Variants in KCNH8 observed in about 807,000 individuals in gnomAD.
KCNH8 encodes the protein voltage-gated delayed rectifier potassium channel KCNH8.
Under a neutral mutation model 103.6 loss-of-function variants are expected in KCNH8, and 70 were observed. The ratio of observed to expected loss-of-function variants is 0.68; its 90% CI spans 0.56 to 0.82. KCNH8 has a LOEUF of 0.82. KCNH8 is among the 40% of genes least tolerant of loss of function. KCNH8 has a pLI of 0.00. For synonymous variants in KCNH8, 498 were observed against 489.4 expected (o/e 1.02, Z -0.23); for missense variants, 1,217 against 1,329.9 (o/e 0.92, Z 1.32).
intron 13 of KCNH8, among the ~76,000 whole-genome samples, chr3:19,514,497 G>GTTCT (rs897150475): frequency 2.4e-4 from 37 of 151,890 alleles, no homozygotes; most frequent in African/African-American, 8.7e-4. Flanking sequence ...AAGAATATAT[G>GTTCT]TTCTTTATAG....
intron 3 of KCNH8, among the ~76,000 whole-genome samples, chr3:19,328,095 T>C (rs1287091401): frequency 2.0e-5 from 3 of 152,152 alleles, no homozygotes; most frequent in African/African-American, 7.2e-5. Flanking sequence ...TTCTAACCAC[T>C]GTTTATAACA....
intron 15 of KCNH8, among the ~76,000 whole-genome samples, chr3:19,530,381 G>A (rs1575179691): frequency 6.6e-6 from 1 of 151,954 alleles, no homozygotes; most frequent in South Asian, 2.1e-4. Context: ...ATTATACACT[G>A]TATTCATATA....
chr3:19,526,940 G>A (rs1346258824), intron 15 of KCNH8, among the ~76,000 whole-genome samples: 1 of 151,932 alleles, frequency 6.6e-6, no homozygotes, highest in Non-Finnish European at 1.5e-5. Flanking sequence ...ACAGGAGCTT[G>A]ACTACTGTAA....
chr3:19,527,466 A>G (rs1273318245), intron 15 of KCNH8, among the ~76,000 whole-genome samples: 1 of 152,044 alleles, frequency 6.6e-6, no homozygotes, highest in Non-Finnish European at 1.5e-5. Context: ...CTAAAGTTTT[A>G]TATCTGTTAT....
At chr3:19,178,356 G>T (rs1310739200) in intron 1 of KCNH8, among the ~76,000 whole-genome samples, 6 of 152,050 alleles carry the variant, frequency 3.9e-5, no homozygotes, top group African/African-American at 1.4e-4. Context: ...CTAACTCAGT[G>T]CTGAAAACAT....
intron 1 of KCNH8, among the ~76,000 whole-genome samples, chr3:19,251,141 T>C (rs1401826849): frequency 1.3e-5 from 2 of 152,142 alleles, no homozygotes; most frequent in African/African-American, 4.8e-5. Context: ...ACAACCCCAG[T>C]AGGAGGGTGC....
intron 1 of KCNH8, among the ~76,000 whole-genome samples, chr3:19,199,556 A>C (rs11922065): frequency 0.044 from 6,567 of 149,892 alleles, 502 homozygotes; most frequent in African/African-American, 0.15. Flanking sequence ...CATATATAAT[A>C]ACTATATATT....
chr3:19,246,469 G>T (rs1175247857), intron 1 of KCNH8, among the ~76,000 whole-genome samples: 1 of 151,638 alleles, frequency 6.6e-6, no homozygotes, highest in Non-Finnish European at 1.5e-5. Context: ...TAGAGATGGG[G>T]TTTCACCATG....
intron 15 of KCNH8, among the ~76,000 whole-genome samples, chr3:19,524,286 T>C (rs2069024811): frequency 6.6e-6 from 1 of 151,946 alleles, no homozygotes; most frequent in Non-Finnish European, 1.5e-5. Context: ...TGATCATCAA[T>C]TTTCAAAGCA....
intron 7 of KCNH8, among the ~76,000 whole-genome samples, chr3:19,419,195 G>GTTTTTTTTTT (rs1559318835): frequency 1.6e-5 from 2 of 128,744 alleles, no homozygotes; most frequent in African/African-American, 5.8e-5. Flanking sequence ...AATGGTTTTG[G>GTTTTTTTTTT]TTTTTTTTTT....
intron 11 of KCNH8, among the ~76,000 whole-genome samples, chr3:19,463,164 A>C (rs1036764332): frequency 1.3e-5 from 2 of 152,140 alleles, no homozygotes; most frequent in African/African-American, 4.8e-5. Context: ...ATTTTATATC[A>C]GGGCTTAGAG....
intron 3 of KCNH8, among the ~76,000 whole-genome samples, chr3:19,285,884 G>A (rs2064825041): frequency 1.3e-5 from 2 of 152,134 alleles, no homozygotes; most frequent in South Asian, 2.1e-4. Context: ...ATTCTTCTCA[G>A]ACAAGGAAGC....
chr3:19,261,713 C>A (rs910173366), intron 2 of KCNH8, among the ~76,000 whole-genome samples: 10 of 151,758 alleles, frequency 6.6e-5, no homozygotes, highest in African/African-American at 2.4e-4. Context: ...CCTATATTTT[C>A]TGCTAAGTGT....
intron 1 of KCNH8, among the ~76,000 whole-genome samples, chr3:19,242,143 G>A (rs2064150243): frequency 6.6e-6 from 1 of 152,162 alleles, no homozygotes; most frequent in Non-Finnish European, 1.5e-5. Context: ...GAAAGAGGTA[G>A]TTTAGATCTC....
chr3:19,448,596 G>A (rs1258332966), intron 8 of KCNH8, among the ~76,000 whole-genome samples: 1 of 151,942 alleles, frequency 6.6e-6, no homozygotes, highest in Non-Finnish European at 1.5e-5. Context: ...AATTGGGGAG[G>A]TCCTGAAATA....
chr3:19,217,787 G>A (rs554980871), intron 1 of KCNH8, among the ~76,000 whole-genome samples: 1 of 152,272 alleles, frequency 6.6e-6, no homozygotes, highest in South Asian at 2.1e-4. Flanking sequence ...TGAATAACTG[G>A]ATTTGGGATT....
At chr3:19,284,131 T>C (rs1444656450) in intron 3 of KCNH8, among the ~76,000 whole-genome samples, 1 of 151,964 alleles carries the variant, frequency 6.6e-6, no homozygotes, top group Admixed American at 6.6e-5. Flanking sequence ...GTAGCAGTAT[T>C]ATGTCATAAC....
chr3:19,462,791 T>C (rs1019769536), intron 11 of KCNH8, among the ~76,000 whole-genome samples: 2 of 152,214 alleles, frequency 1.3e-5, no homozygotes, highest in Non-Finnish European at 2.9e-5. Context: ...CATTTAAGTC[T>C]TTAATCCATC....
intron 1 of KCNH8, among the ~76,000 whole-genome samples, chr3:19,161,703 G>T (rs2063236017): frequency 6.6e-6 from 1 of 152,170 alleles, no homozygotes; most frequent in African/African-American, 2.4e-5. Context: ...TGGTGACAAA[G>T]CAATTGTAAA....
Sources: gnomAD v4.1 joint callset for allele counts (sites outside exome capture counted in the v4.1 genomes callset) on GRCh38, gnomAD v4.1.1 for gene constraint, MANE v1.5 for transcripts, NCBI Gene and HGNC (gene_info 2026-07-23, HGNC 2026-07-21) for gene names.